The following SNTG1 variants were observed in gnomAD, a reference collection of about 807,000 sequenced individuals.
SNTG1 encodes gamma-1-syntrophin.
A neutral mutation model predicts 74.7 loss-of-function variants in SNTG1; 39 were observed. That is an observed-to-expected ratio of 0.52 (90% CI 0.40 to 0.68). SNTG1 has a LOEUF of 0.68. Ranked by LOEUF, SNTG1 falls within the 30% of genes least tolerant of loss-of-function variation. The pLI, the probability that SNTG1 is intolerant of heterozygous loss-of-function variation, is 0.00. For missense variants in SNTG1, 685 were observed against 609.5 expected (o/e 1.12, Z -1.30); for synonymous variants, 254 against 217.1 (o/e 1.17, Z -1.49).
chr8:50,319,406 T>A (rs2130802342), intron 2 of SNTG1, among the ~76,000 whole-genome samples: 1 of 152,284 alleles, frequency 6.6e-6, no homozygotes, highest in East Asian at 1.9e-4. Flanking sequence ...GCTACTGATT[T>A]TTGTATGTTG....
chr8:50,035,421 T>C (rs1818073062), intron 1 of SNTG1, among the ~76,000 whole-genome samples: 1 of 152,204 alleles, frequency 6.6e-6, no homozygotes, highest in African/African-American at 2.4e-5. Context: ...ACTCCCTGTG[T>C]TTCAGGAAGT....
chr8:50,603,293 C>T lies in SNTG1; in HGVS notation c.849+12376C>T, dbSNP rs547397329. Among the ~76,000 whole-genome samples the T allele has an allele frequency of 1.3e-4, 20 of 152,306 alleles. No homozygotes were observed. The South Asian group carries it at 4.1e-3, about 32-fold the overall frequency. On this transcript the variant is annotated intron_variant, in intron 13 of 18. Coordinates refer to ENST00000642720, the MANE Select transcript of SNTG1 (RefSeq NM_018967.5). ...CTGCTCCACAGTTCTGCTATTAAGA[C>T]ACTCTGATGCATTCTTCAGTAGGTC... is the stretch of plus-strand genomic sequence containing the variant.
chr8:50,306,521 A>G (rs1044323513), intron 2 of SNTG1, among the ~76,000 whole-genome samples: 5 of 152,116 alleles, frequency 3.3e-5, no homozygotes, highest in South Asian at 2.1e-4. Context: ...AAAGCAGTGT[A>G]TAAGTGTTCC....
intron 8 of SNTG1, among the ~76,000 whole-genome samples, chr8:50,464,947 T>A (rs1469307657): frequency 1.1e-5 from 1 of 92,236 alleles, no homozygotes; most frequent in African/African-American, 3.1e-5. Flanking sequence ...GAGTACATGC[T>A]GTTGGAAAAA....
At chr8:50,379,179 G>A (rs141079113) in intron 2 of SNTG1, among the ~76,000 whole-genome samples, 10 of 152,322 alleles carry the variant, frequency 6.6e-5, no homozygotes, top group African/African-American at 1.9e-4. Flanking sequence ...GGCTGGTGTG[G>A]CAGCATTGCC....
At chr8:50,008,048 G>T (rs1299418904) in intron 1 of SNTG1, among the ~76,000 whole-genome samples, 2 of 152,004 alleles carry the variant, frequency 1.3e-5, no homozygotes, top group East Asian at 3.9e-4. Context: ...CCCCCTCACC[G>T]GGTCCCTCCC....
chr8:50,448,198 T>C (rs1257397848), intron 5 of SNTG1, among the ~76,000 whole-genome samples: 1 of 152,016 alleles, frequency 6.6e-6, no homozygotes, highest in African/African-American at 2.4e-5. Context: ...TGTGAAATAG[T>C]GAGGAAAAGG....
At chr8:50,464,131 A>C (rs974674105) in intron 8 of SNTG1, among the ~76,000 whole-genome samples, 1 of 152,178 alleles carries the variant, frequency 6.6e-6, no homozygotes, top group Non-Finnish European at 1.5e-5. Context: ...CTTTGGATTA[A>C]GTGGATGTTG....
In SNTG1 at chr8:50,407,525, G is replaced by A. The variant is rs561277372; in HGVS notation, c.162+5181G>A. ...GTTTTTTCTCCAACCCCACAATAGG[G>A]AGGAAGTTGTTTATATTTTCAGGTC... On this transcript the variant is annotated intron_variant, in intron 4 of 18. Coordinates refer to ENST00000642720, the MANE Select transcript of SNTG1 (RefSeq NM_018967.5). Among the ~76,000 whole-genome samples, 37 of 152,268 alleles carry A rather than the reference G, an allele frequency of 2.4e-4. No individual in the cohort carries two copies. The South Asian group carries it at 3.7e-3, about 15-fold the overall frequency.
intron 2 of SNTG1, among the ~76,000 whole-genome samples, chr8:50,269,572 A>G (rs929977374): frequency 6.6e-6 from 1 of 152,188 alleles, no homozygotes; most frequent in Non-Finnish European, 1.5e-5. Context: ...ATTATGTGCC[A>G]GCAAAATTGC....
intron 11 of SNTG1, among the ~76,000 whole-genome samples, chr8:50,549,441 C>T (rs2094410497): frequency 6.6e-6 from 1 of 152,044 alleles, no homozygotes; most frequent in Admixed American, 6.6e-5. Context: ...CACACAGGGC[C>T]ACTCTGTGAG....
chr8:50,018,620 A>T (rs2130649825), intron 1 of SNTG1, among the ~76,000 whole-genome samples: 1 of 152,178 alleles, frequency 6.6e-6, no homozygotes, highest in South Asian at 2.1e-4. Flanking sequence ...TTATGATATC[A>T]AAAGCAAAAA....
rs10098650 is a variant in SNTG1, at chr8:50,438,824, G to A, written c.219+225G>A. ...GAATATGGGAATTTACCTTATGATTGAATTTAACTCATTAACTTTCTTTGT... is the reference window on the plus strand; with the variant it reads ...GAATATGGGAATTTACCTTATGATTAAATTTAACTCATTAACTTTCTTTGT... On this transcript the variant is annotated intron_variant, in intron 5 of 18. Coordinates refer to ENST00000642720, the MANE Select transcript of SNTG1 (RefSeq NM_018967.5). 3.6e-3 allele frequency among the ~76,000 whole-genome samples: 549 copies of A among 152,214 alleles called. 4 individuals carry two copies. Among genetic ancestry groups the A allele is most frequent in the African/African-American group, 0.012 (508 of 41,550 alleles).
chr8:50,172,708 T>C (rs2082851078), intron 2 of SNTG1, 73 bp downstream of exon 2: 1 of 151,918 alleles, frequency 6.6e-6, no homozygotes, highest in African/African-American at 2.4e-5. Flanking sequence ...AGTCTACACT[T>C]CTAAGAGACA....
chr8:50,053,287 A>G (rs1819734192), intron 1 of SNTG1, among the ~76,000 whole-genome samples: 1 of 152,160 alleles, frequency 6.6e-6, no homozygotes, highest in Non-Finnish European at 1.5e-5. Context: ...TAACATGGTG[A>G]AACCTCATTG....
chr8:50,762,484 C>A, intron 18 of SNTG1: 1 of 347,112 alleles, frequency 2.9e-6, no homozygotes, highest in Non-Finnish European at 5.7e-6. Flanking sequence ...AGGCAGTGGC[C>A]AACTCATTAG....
chr8:50,627,149 A>G (rs2094961949), intron 13 of SNTG1, among the ~76,000 whole-genome samples: 1 of 152,124 alleles, frequency 6.6e-6, no homozygotes, highest in East Asian at 1.9e-4. Context: ...ATTTCCAGGC[A>G]TGACTGCCAT....
intron 17 of SNTG1, among the ~76,000 whole-genome samples, chr8:50,721,136 A>G (rs1194021256): frequency 6.6e-6 from 1 of 152,220 alleles, no homozygotes; most frequent in African/African-American, 2.4e-5. Flanking sequence ...TTATTAATGC[A>G]TTACAGTTTT....
At chr8:49,955,055 G>A (rs1314880145) in intron 1 of SNTG1, among the ~76,000 whole-genome samples, 1 of 152,046 alleles carries the variant, frequency 6.6e-6, no homozygotes, top group East Asian at 1.9e-4. Context: ...TTTAATATTA[G>A]GTATCTTTAG....
Sources: gnomAD v4.1 joint callset for allele counts (sites outside exome capture counted in the v4.1 genomes callset) on GRCh38, gnomAD v4.1.1 for gene constraint, MANE v1.5 for transcripts, NCBI Gene and HGNC (gene_info 2026-07-23, HGNC 2026-07-21) for gene names.